Variants in KCNIP1 observed in about 807,000 individuals in gnomAD.
KCNIP1 encodes the protein A-type potassium channel modulatory protein KCNIP1.
KCNIP1 carries 18 observed loss-of-function variants against 33.0 expected under a neutral mutation model. The ratio of observed to expected loss-of-function variants is 0.55; its 90% CI spans 0.38 to 0.81. The LOEUF is 0.81. Ranked by LOEUF, KCNIP1 falls within the 30% of genes least tolerant of loss-of-function variation. KCNIP1 has a pLI of 0.00. For synonymous variants in KCNIP1, 93 were observed against 98.3 expected (o/e 0.95, Z 0.32); for missense variants, 238 against 271.6 (o/e 0.88, Z 0.87).
chr5:170,690,955 G>A (rs930606254), intron 1 of KCNIP1, among the ~76,000 whole-genome samples: 1 of 152,198 alleles, frequency 6.6e-6, no homozygotes, highest in African/African-American at 2.4e-5. Context: ...GATATCTAAG[G>A]ATGATGTAAA....
intron 1 of KCNIP1, among the ~76,000 whole-genome samples, chr5:170,381,189 C>A (rs1220912619): frequency 2.6e-5 from 4 of 152,142 alleles, no homozygotes; most frequent in Admixed American, 2.6e-4. Context: ...GGCAGGAATT[C>A]ACTCTTCATG....
chr5:170,478,069 A>G (rs1756896748), intron 1 of KCNIP1, among the ~76,000 whole-genome samples: 1 of 152,166 alleles, frequency 6.6e-6, no homozygotes, highest in Admixed American at 6.5e-5. Flanking sequence ...TGGGAGGTTC[A>G]GTCCAAGACA....
chr5:170,667,601 C>T (rs567932177), intron 1 of KCNIP1, among the ~76,000 whole-genome samples: 352 of 152,300 alleles, frequency 2.3e-3, no homozygotes, highest in Non-Finnish European at 4.5e-3. Context: ...GGCAGTATTG[C>T]ATTGTGGTTG....
chr5:170,659,068 C>G (rs575572293), intron 1 of KCNIP1, among the ~76,000 whole-genome samples: 30 of 152,288 alleles, frequency 2.0e-4, no homozygotes, highest in African/African-American at 7.0e-4. Context: ...TTTTCCTAGC[C>G]TCTCAGTCCT....
chr5:170,538,706 A>G lies in KCNIP1; in HGVS notation c.61+34073A>G, dbSNP rs114509790. Among the ~76,000 whole-genome samples the G allele has an allele frequency of 4.9e-3, 742 of 151,842 alleles. 4 individuals are homozygous for G. Among genetic ancestry groups the G allele is most frequent in the Non-Finnish European group, 6.7e-3 (457 of 67,890 alleles). The stretch of plus-strand genomic sequence containing the variant: ...CTCAGTTTATGGACTGTCCATCTTG[A>G]AGAGATGACCACAGGATGCTCAATG... On this transcript the variant is annotated intron_variant, in intron 1 of 7. Coordinates refer to ENST00000328939, the MANE Select transcript of KCNIP1 (RefSeq NM_014592.4).
intron 1 of KCNIP1, among the ~76,000 whole-genome samples, chr5:170,453,705 A>G (rs1482986104): frequency 6.6e-6 from 1 of 152,212 alleles, no homozygotes; most frequent in Non-Finnish European, 1.5e-5. Context: ...TGGCTCCTTT[A>G]TGATGGAAGA....
chr5:170,574,498 ACCT>A (rs1259670025), intron 1 of KCNIP1, among the ~76,000 whole-genome samples: 1 of 152,146 alleles, frequency 6.6e-6, no homozygotes, highest in Non-Finnish European at 1.5e-5. Context: ...TGTCAGGAGC[ACCT>A]CCTCCTACCA....
At chr5:170,696,903 A>T (rs1762915884) in intron 1 of KCNIP1, among the ~76,000 whole-genome samples, 1 of 152,094 alleles carries the variant, frequency 6.6e-6, no homozygotes, top group Admixed American at 6.5e-5. Flanking sequence ...CTTTAGCATA[A>T]GGACAGTCAG....
chr5:170,721,877 A>T lies in KCNIP1; in HGVS notation c.301A>T (p.Thr101Ser), dbSNP rs531834769. The stretch of plus-strand genomic sequence containing the variant: ...TTACCTCTTCAATGCCTTCGACACC[A>T]CTCAGACAGGCTCCGTGAAGTTCGA... ...AHYLFNAFDT[T>S]QTGSVKFEDF... Residue 101 changes from threonine (T) to serine (S), a missense_variant, in exon 4 of 8, where the codon ACT becomes TCT. Transcript: ENST00000328939. The T allele has an allele frequency of 3.7e-6, 6 of 1,613,734 alleles. No individual in the cohort carries two copies. Among genetic ancestry groups the T allele is most frequent in the Non-Finnish European group, 5.1e-6 (6 of 1,179,956 alleles).
At chr5:170,633,715 GGGGGGCGGA>G (rs1158693823) in intron 1 of KCNIP1, among the ~76,000 whole-genome samples, 3 of 24,648 alleles carry the variant, frequency 1.2e-4, no homozygotes, top group South Asian at 2.7e-3. Flanking sequence ...CGAGGGGGCG[GGGGGGCGGA>G]GGGGGGGACG....
At chr5:170,713,294 G>A (rs545654998) in intron 1 of KCNIP1, among the ~76,000 whole-genome samples, 2 of 152,118 alleles carry the variant, frequency 1.3e-5, no homozygotes, top group African/African-American at 4.8e-5. Context: ...CCTATAATCA[G>A]CTTCAAGTCC....
At chr5:170,414,976 C>T (rs1170092969) in intron 1 of KCNIP1, among the ~76,000 whole-genome samples, 1 of 152,208 alleles carries the variant, frequency 6.6e-6, no homozygotes, top group Non-Finnish European at 1.5e-5. Context: ...GTAGTAGGTG[C>T]TCAGCAAATG....
rs550153070 is a variant in KCNIP1, at chr5:170,648,787, C to T, written c.62-69971C>T. On this transcript the variant is annotated intron_variant, in intron 1 of 7. Coordinates refer to ENST00000328939, the MANE Select transcript of KCNIP1 (RefSeq NM_014592.4). ...TGATAGTGATGTGTCATTGTAGATT[C>T]CTCAGTTATTACAAATGCATCATCC... Among the ~76,000 whole-genome samples, 7 of 152,220 alleles carry T rather than the reference C, an allele frequency of 4.6e-5. 1 individual carries two copies. In the South Asian group the frequency reaches 1.5e-3, roughly 32 times the overall value.
intron 1 of KCNIP1, among the ~76,000 whole-genome samples, chr5:170,569,317 G>GGA (rs1358365523): frequency 6.6e-6 from 1 of 152,244 alleles, no homozygotes; most frequent in Non-Finnish European, 1.5e-5. Context: ...GTGTGCAACA[G>GGA]GAGAGGGGCT....
chr5:170,446,743 C>T (rs1396951091), intron 1 of KCNIP1, among the ~76,000 whole-genome samples: 1 of 152,196 alleles, frequency 6.6e-6, no homozygotes, highest in Non-Finnish European at 1.5e-5. Flanking sequence ...CACCCAGCCT[C>T]AACTTCTCCC....
intron 1 of KCNIP1, among the ~76,000 whole-genome samples, chr5:170,542,686 A>G (rs1756257790): frequency 6.6e-6 from 1 of 152,184 alleles, no homozygotes; most frequent in Non-Finnish European, 1.5e-5. Flanking sequence ...CCTATGATAA[A>G]GGCTAATTTA....
intron 1 of KCNIP1, among the ~76,000 whole-genome samples, chr5:170,609,009 G>A (rs946253225): frequency 2.0e-5 from 3 of 152,096 alleles, no homozygotes; most frequent in African/African-American, 7.2e-5. Context: ...CTCTCCAACA[G>A]GGAGATGTCT....
chr5:170,722,103 CAG>C (rs1362205253), intron 4 of KCNIP1, among the ~76,000 whole-genome samples, 200 bp downstream of exon 4: 5 of 152,170 alleles, frequency 3.3e-5, no homozygotes. Context: ...CTCAGGGACT[CAG>C]GGGACTAATA....
At chr5:170,491,816 C>T (rs1757212473) in intron 1 of KCNIP1, among the ~76,000 whole-genome samples, 1 of 152,172 alleles carries the variant, frequency 6.6e-6, no homozygotes, top group Non-Finnish European at 1.5e-5. Context: ...AGTCCCAGCT[C>T]TGTCACTGTC....
Sources: allele counts gnomAD v4.1 joint callset (sites outside exome capture counted in the v4.1 genomes callset), GRCh38; gene constraint gnomAD v4.1.1; transcripts MANE v1.5; gene names NCBI Gene and HGNC (gene_info 2026-07-23, HGNC 2026-07-21).